USPL1: variants seen among roughly 807,000 people sequenced by gnomAD.
USPL1 encodes the protein SUMO-specific isopeptidase USPL1.
USPL1 carries 27 observed loss-of-function variants against 51.5 expected under a neutral mutation model. The observed-to-expected ratio is 0.52, with a 90% CI of 0.39 to 0.72. The LOEUF is 0.72. Ranked by LOEUF, USPL1 falls within the 30% of genes least tolerant of loss-of-function variation. USPL1 has a pLI of 0.00. For missense variants in USPL1, 1,226 were observed against 1,268.0 expected, an observed-to-expected ratio of 0.97 and a Z score of 0.50; for synonymous variants, 451 against 459.6, an observed-to-expected ratio of 0.98 and a Z score of 0.24.
chr13:30,628,449 T>A (rs1345561918), intron 3 of USPL1, among the ~76,000 whole-genome samples: 1 of 152,200 alleles, frequency 6.6e-6, no homozygotes, highest in African/African-American at 2.4e-5. Context: ...GCAGGCTTGT[T>A]ACATAGGTAT....
At chr13:30,647,108 C>G (rs1951028169) in intron 7 of USPL1, 51 bp downstream of exon 7, 6 of 1,549,670 alleles carry the variant, frequency 3.9e-6, no homozygotes, top group Non-Finnish European at 5.3e-6. Flanking sequence ...GGTGGATTTA[C>G]ATTTTTCTTA....
intron 3 of USPL1, among the ~76,000 whole-genome samples, chr13:30,624,363 C>A (rs1593359743): frequency 6.6e-6 from 1 of 152,120 alleles, no homozygotes; most frequent in Admixed American, 6.5e-5. Context: ...AACTGTAATC[C>A]CAACACTTTG....
chr13:30,653,014 G>C (rs1951111179), intron 7 of USPL1, 134 bp from the exon 8 acceptor site: 2 of 794,608 alleles, frequency 2.5e-6, no homozygotes, highest in East Asian at 2.6e-5. Context: ...GCACACATCT[G>C]GAGGTGCTCA....
chr13:30,647,090 A>G (rs1246987288), intron 7 of USPL1, 33 bp downstream of exon 7: 2 of 1,578,486 alleles, frequency 1.3e-6, no homozygotes, highest in Non-Finnish European at 1.7e-6. Context: ...TTTTTAGTAC[A>G]AAATGAAGGT....
chr13:30,658,953 G>A lies in USPL1; in HGVS notation c.2876G>A (p.Gly959Asp), dbSNP rs781215462. The change falls in exon 9 of 9, where the codon GGT becomes GAT. Residue 959 changes from glycine to aspartate, a missense_variant. Physicochemically the swap from Gly to Asp is moderately conservative, Grantham distance 94 (BLOSUM62 -1). Coordinates refer to ENST00000255304, the MANE Select transcript of USPL1 (RefSeq NM_005800.5). The part of the protein sequence containing the change: ...ASESACTTVP[G>D]VSLYSSQTHE... Reference sequence around the variant, plus strand: ...GAGTCTGCATGCACCACTGTTCCTGGTGTTTCCCTGTACAGTAGTCAAACT... The same window carrying A: ...GAGTCTGCATGCACCACTGTTCCTGATGTTTCCCTGTACAGTAGTCAAACT... The A allele has an allele frequency of 5.6e-6, 9 of 1,614,128 alleles. No homozygotes were observed. The highest frequency in any genetic ancestry group is 1.3e-5 in the African/African-American group (1 of 75,012).
In USPL1 at chr13:30,637,754, T is replaced by A. The variant is rs1325164818; in HGVS notation, c.879T>A (p.Cys293Ter). Residue 293 changes from cysteine (C) to a stop codon, truncating the protein, a stop_gained, in exon 5 of 9, where the codon TGT becomes TGA. Transcript: ENST00000255304. LOFTEE classifies it high-confidence loss of function. ...SQLSGVKDGD[C>*]KKLTSEIFAE... ...TCTGTATTTTCTTAGATGGAGATTG[T>A]AAAAAACTTACCTCAGAAATATTTG... 6.2e-7 allele frequency: 1 copy of A among 1,610,770 alleles called. No homozygotes were observed. Among genetic ancestry groups the A allele is most frequent in the Non-Finnish European group, 8.5e-7 (1 of 1,178,886 alleles).
intron 5 of USPL1, among the ~76,000 whole-genome samples, 153 bp from the exon 6 acceptor site, chr13:30,642,475 C>A (rs1052296968): frequency 1.3e-5 from 2 of 152,152 alleles, no homozygotes; most frequent in East Asian, 3.8e-4. Flanking sequence ...TTATAAACTT[C>A]CCCTCTCCCA....
intron 8 of USPL1, among the ~76,000 whole-genome samples, chr13:30,655,124 A>G (rs991997589): frequency 1.3e-5 from 2 of 152,090 alleles, no homozygotes; most frequent in Non-Finnish European, 2.9e-5. Flanking sequence ...TTTAGTAGAG[A>G]CAGGGTTTCT....
At chr13:30,633,146 C>G (rs1236650995) in intron 4 of USPL1, among the ~76,000 whole-genome samples, 1 of 152,140 alleles carries the variant, frequency 6.6e-6, no homozygotes, top group Non-Finnish European at 1.5e-5. Flanking sequence ...AACCCGAGGT[C>G]TGAAAGTAGA....
intron 1 of USPL1, among the ~76,000 whole-genome samples, chr13:30,620,351 T>G (rs759620976): frequency 7.2e-5 from 11 of 152,218 alleles, no homozygotes; most frequent in Non-Finnish European, 7.3e-5. Context: ...GAACCCACAA[T>G]TAAAATGCTC....
intron 1 of USPL1, among the ~76,000 whole-genome samples, chr13:30,618,919 C>T (rs994192932): frequency 6.6e-6 from 1 of 152,050 alleles, no homozygotes; most frequent in Non-Finnish European, 1.5e-5. Flanking sequence ...CATTGACAGG[C>T]TCAGACTTGT....
In USPL1 at chr13:30,621,896, A is replaced by C. The variant is rs779075830; in HGVS notation, c.228+4A>C. On this transcript the variant is annotated splice_donor_region_variant and intron_variant, in intron 3 of 8. Transcript: ENST00000255304. Reference sequence around the variant, plus strand: ...CTTTTTGTGTGAGGATCTGCAGGTAAAGTATTAATCTTATATAGTATATAT... The same window carrying C: ...CTTTTTGTGTGAGGATCTGCAGGTACAGTATTAATCTTATATAGTATATAT... The C allele has an allele frequency of 6.5e-7, 1 of 1,536,088 alleles. No homozygotes were observed. Among genetic ancestry groups the C allele is most frequent in the Non-Finnish European group, 8.7e-7 (1 of 1,144,690 alleles).
chr13:30,623,905 A>G (rs1205182073), intron 3 of USPL1, among the ~76,000 whole-genome samples: 1 of 152,138 alleles, frequency 6.6e-6, no homozygotes, highest in Non-Finnish European at 1.5e-5. Context: ...ACCTTGCCCT[A>G]CTCATTTCTT....
intron 1 of USPL1, among the ~76,000 whole-genome samples, chr13:30,618,904 C>G (rs898068596): frequency 6.6e-6 from 1 of 152,130 alleles, no homozygotes; most frequent in African/African-American, 2.4e-5. Context: ...GAATTTTAAA[C>G]TAAGCATTGA....
chr13:30,631,284 T>A lies in USPL1; in HGVS notation c.678T>A (p.Cys226Ter). Residue 226 changes from cysteine to a stop codon, truncating the protein, a stop_gained, in exon 4 of 9, where the codon TGT becomes TGA. Transcript: ENST00000255304. LOFTEE classifies it high-confidence loss of function. ...SKCTSFPQAL[C>*]VQWKNAYALC... is the part of the protein sequence containing the mutation. ...GTACATCATTTCCCCAGGCTTTATGTGTCCAGTGGAAAAATGCTTATGCTC... is the reference window on the plus strand; with the variant it reads ...GTACATCATTTCCCCAGGCTTTATGAGTCCAGTGGAAAAATGCTTATGCTC... 2 of 1,614,208 alleles carry A rather than the reference T, an allele frequency of 1.2e-6. No individual in the cohort carries two copies. Among genetic ancestry groups the A allele is most frequent in the South Asian group, 1.1e-5 (1 of 91,084 alleles).
At chr13:30,645,447 T>C (rs1285174081) in intron 6 of USPL1, among the ~76,000 whole-genome samples, 1 of 152,240 alleles carries the variant, frequency 6.6e-6, no homozygotes, top group Admixed American at 6.5e-5. Flanking sequence ...TAGAGATATA[T>C]AGCACAAACT....
At position 30,621,181 on chromosome 13, in the gene USPL1, T is replaced by C; in HGVS notation, c.41T>C (p.Ile14Thr). The C allele has an allele frequency of 7.5e-6, 12 of 1,607,976 alleles. No individual in the cohort carries two copies. The highest frequency in any genetic ancestry group is 1.3e-5 in the African/African-American group (1 of 74,668). ...AAGATTGGAAATGGTTTGCCAGTGA[T>C]TGGACCAGGGACTGATATAGGGATA... is the stretch of plus-strand genomic sequence containing the variant. ...SPKIGNGLPV[I>T]GPGTDIGISS... is the part of the protein sequence containing the mutation. Residue 14 changes from isoleucine (I) to threonine (T), a missense_variant, in exon 2 of 9, where the codon ATT becomes ACT. Coordinates refer to ENST00000255304, the MANE Select transcript of USPL1 (RefSeq NM_005800.5).
chr13:30,652,051 G>C (rs1166996145), intron 7 of USPL1, among the ~76,000 whole-genome samples: 1 of 152,150 alleles, frequency 6.6e-6, no homozygotes, highest in East Asian at 1.9e-4. Flanking sequence ...CATTGATTCA[G>C]ACATGTAGTT....
At chr13:30,629,228 G>T (rs554987586) in intron 3 of USPL1, among the ~76,000 whole-genome samples, 1 of 152,304 alleles carries the variant, frequency 6.6e-6, no homozygotes, top group South Asian at 2.1e-4. Flanking sequence ...TGGTGGCTGG[G>T]CATGGTGGCT....
Sources: allele counts gnomAD v4.1 joint callset (sites outside exome capture counted in the v4.1 genomes callset), GRCh38; gene constraint gnomAD v4.1.1; transcripts MANE v1.5; gene names NCBI Gene and HGNC (gene_info 2026-07-23, HGNC 2026-07-21).